UVSSA: variants seen among roughly 807,000 people sequenced by gnomAD.
UVSSA encodes the protein UV stimulated scaffold protein A.
Under a neutral mutation model 73.9 loss-of-function variants are expected in UVSSA, and 72 were observed. The observed-to-expected ratio is 0.97, with a 90% confidence interval of 0.81 to 1.19. The LOEUF (loss-of-function observed/expected upper bound fraction) is 1.19. UVSSA is among the 50% of genes most tolerant of loss of function. The pLI is 0.00. For missense variants in UVSSA, 1,150 were observed against 965.0 expected, an observed-to-expected ratio of 1.19 and a Z score of -2.54; for synonymous variants, 454 against 391.3, an observed-to-expected ratio of 1.16 and a Z score of -1.89.
chr4:1,380,331 C>G, intron 11 of UVSSA, 101 bp downstream of exon 11: 2 of 1,371,860 alleles, frequency 1.5e-6, no homozygotes, highest in Non-Finnish European at 2.0e-6. Flanking sequence ...GGTCAGGGTG[C>G]TTGTGAGCAC....
intron 8 of UVSSA, 118 bp from the exon 9 acceptor site, chr4:1,375,246 G>C (rs1215972860): frequency 3.3e-6 from 5 of 1,507,462 alleles, no homozygotes; most frequent in Admixed American, 1.8e-5. Flanking sequence ...ACCCACCTCG[G>C]GACTGTTGGA....
chr4:1,349,211 C>T (rs1201082042), intron 2 of UVSSA, among the ~76,000 whole-genome samples: 4 of 152,076 alleles, frequency 2.6e-5, no homozygotes, highest in South Asian at 4.1e-4. Flanking sequence ...GATAGATGGG[C>T]GACGTTCCAA....
In UVSSA at chr4:1,354,903, T is replaced by TGG. The variant is rs33989352; in HGVS notation, c.1047+63_1047+64dup. ...AGGGACGTGTGCAGAGTGCCATGCA[T>TGG]GGGGGGGGTCCCTTTCTTGGGGGGA... On this transcript the variant is annotated intron_variant, in intron 6 of 13. Coordinates refer to ENST00000389851, the MANE Select transcript of UVSSA (RefSeq NM_020894.4). The TGG allele has an allele frequency of 2.3e-3, 3,302 of 1,463,800 alleles. 38 individuals carry two copies. Among genetic ancestry groups the TGG allele is most frequent in the African/African-American group, 0.016 (1,079 of 67,924 alleles). 90.7% of individuals were successfully genotyped at this position (1,463,800 alleles called of 1,614,324 possible). A position where few individuals can be genotyped will look rare whatever the true frequency, so the allele number is the denominator to read the frequency against.
At chr4:1,381,686 CTTTTTTT>C (rs1318393473) in intron 12 of UVSSA, among the ~76,000 whole-genome samples, 1 of 131,764 alleles carries the variant, frequency 7.6e-6, no homozygotes, top group Admixed American at 7.5e-5. Context: ...TTTGATTTGG[CTTTTTTT>C]TTTTTTTTTT....
chr4:1,372,811 T>TA (rs1718269847), intron 8 of UVSSA, among the ~76,000 whole-genome samples: 1 of 48,470 alleles, frequency 2.1e-5, no homozygotes, highest in Non-Finnish European at 4.3e-5. Flanking sequence ...ACCTCCCGCG[T>TA]CTCAGGGCAC....
intron 7 of UVSSA, among the ~76,000 whole-genome samples, chr4:1,365,538 C>CG (rs1717195034): frequency 6.6e-6 from 1 of 152,156 alleles, no homozygotes; most frequent in Admixed American, 6.5e-5. Flanking sequence ...AGGAGGGAGG[C>CG]GGGGGTGGCA....
chr4:1,358,277 C>T (rs1215294446), intron 7 of UVSSA, among the ~76,000 whole-genome samples: 3 of 152,242 alleles, frequency 2.0e-5, no homozygotes, highest in Non-Finnish European at 4.4e-5. Context: ...TCGTCCCCTT[C>T]GACCACATGG....
At chr4:1,374,762 G>C (rs1718543791) in intron 8 of UVSSA, 1 of 151,742 alleles carries the variant, frequency 6.6e-6, no homozygotes, top group Non-Finnish European at 1.5e-5. Context: ...CTGAAGCTGT[G>C]GTGCAGCCCC....
intron 4 of UVSSA, among the ~76,000 whole-genome samples, chr4:1,352,198 T>C (rs576477662): frequency 1.8e-4 from 27 of 152,292 alleles, no homozygotes; most frequent in African/African-American, 6.3e-4. Context: ...TCCCCAAAAC[T>C]TCACTGTTTG....
At chr4:1,361,552 C>G (rs955260138) in intron 7 of UVSSA, among the ~76,000 whole-genome samples, 1 of 152,246 alleles carries the variant, frequency 6.6e-6, no homozygotes, top group African/African-American at 2.4e-5. Context: ...CAGTGCTGCC[C>G]GCCAGGTGCC....
rs1376334646 is a variant in UVSSA at position 1,375,267 on chromosome 4, C to CG, written c.1289-96dup. 1.9e-6 allele frequency: 3 copies of CG among 1,550,388 alleles called. No homozygotes were observed. The African/African-American group carries it at 4.0e-5, about 21-fold the overall frequency. On this transcript the variant is annotated intron_variant, in intron 8 of 13. Coordinates refer to ENST00000389851, the MANE Select transcript of UVSSA (RefSeq NM_020894.4). Reference sequence around the variant, plus strand: ...CTCGGGACTGTTGGAAGATGGAACACGCTAACGCATAGGCGCGTCCTAACT... The same window carrying CG: ...CTCGGGACTGTTGGAAGATGGAACACGGCTAACGCATAGGCGCGTCCTAACT...
rs376949347 is a variant in UVSSA at position 1,380,962 on chromosome 4, G to A, written c.1835G>A (p.Arg612Gln). The change falls in exon 12 of 14, where the codon CGG becomes CAG. Residue 612 changes from arginine to glutamine, a missense_variant. Coordinates refer to ENST00000389851, the MANE Select transcript of UVSSA (RefSeq NM_020894.4). ...GAAGACAGGGCTCGTGAGCAGCGGC[G>A]GCAGCTGCAGAAGCAGGAGCGCCCG... is the stretch of plus-strand genomic sequence containing the variant. The part of the protein sequence containing the change: ...DPEDRAREQR[R>Q]QLQKQERPEW... The A allele has an allele frequency of 2.3e-5, 37 of 1,612,562 alleles. No homozygotes were observed. The highest frequency in any genetic ancestry group is 2.2e-5 in the South Asian group (2 of 91,060).
At chr4:1,348,791 C>T (rs1714148567) in intron 2 of UVSSA, among the ~76,000 whole-genome samples, 1 of 152,150 alleles carries the variant, frequency 6.6e-6, no homozygotes, top group Non-Finnish European at 1.5e-5. Context: ...AATTTCAGGT[C>T]AGGTTTTGTG....
At position 1,353,375 on chromosome 4, in the gene UVSSA, G is replaced by T. The variant is rs1272590093; in HGVS notation, c.896G>T (p.Gly299Val). Residue 299 changes from glycine to valine, a missense_variant, in exon 5 of 14, where the codon GGC becomes GTC. By Grantham distance (109) the Gly-to-Val change is moderately radical. Coordinates refer to ENST00000389851, the MANE Select transcript of UVSSA (RefSeq NM_020894.4). ...GAGTTTGTGCGGAGCCACGGGCTGGGCTCGCACAAGTACACGCTGGATGTG... is the reference window on the plus strand; with the variant it reads ...GAGTTTGTGCGGAGCCACGGGCTGGTCTCGCACAAGTACACGCTGGATGTG... ...LEEFVRSHGL[G>V]SHKYTLDVEL... 3 of 1,600,574 alleles carry T rather than the reference G, an allele frequency of 1.9e-6. No individual in the cohort carries two copies. Among genetic ancestry groups the T allele is most frequent in the Non-Finnish European group, 2.6e-6 (3 of 1,174,160 alleles).
intron 7 of UVSSA, 106 bp downstream of exon 7, chr4:1,355,351 C>T: frequency 1.7e-6 from 2 of 1,182,384 alleles, no homozygotes; most frequent in Non-Finnish European, 1.2e-6. Context: ...CGGACCCCAG[C>T]CACACCCCAA....
rs199557939 is a variant in UVSSA, at chr4:1,383,935, C to T, written c.2031C>T (p.Phe677=). 49 of 1,610,758 alleles carry T rather than the reference C, an allele frequency of 3.0e-5. No individual in the cohort carries two copies. Among genetic ancestry groups the T allele is most frequent in the East Asian group, 1.1e-4 (5 of 44,832 alleles). Residue 677 remains phenylalanine (F), a synonymous_variant, in exon 13 of 14, where the codon TTC becomes TTT. Transcript: ENST00000389851. ...GCGCTCGCATTGGGAGAAAAGTCTT[C>T]GCCAAGTAAGAGTGGCTGCTGGGTC... ...TARARIGRKV[F]AKAAVRRVVA...
rs2109322967 is a variant in UVSSA at position 1,386,000 on chromosome 4, C to T, written c.*39C>T. 1.2e-6 allele frequency: 2 copies of T among 1,604,274 alleles called. No individual in the cohort carries two copies. Among genetic ancestry groups the T allele is most frequent in the Non-Finnish European group, 8.5e-7 (1 of 1,171,396 alleles). ...GTGCACTGGCCATCAGCACTTTCTCCCTCTGCCAGTGTCTCAGGACAGCAG... is the reference window on the plus strand; with the variant it reads ...GTGCACTGGCCATCAGCACTTTCTCTCTCTGCCAGTGTCTCAGGACAGCAG... On this transcript the variant is annotated 3_prime_UTR_variant, in exon 14 of 14. Coordinates refer to ENST00000389851, the MANE Select transcript of UVSSA (RefSeq NM_020894.4).
intron 1 of UVSSA, 74 bp from the exon 2 acceptor site, chr4:1,348,016 G>A: frequency 1.5e-6 from 2 of 1,308,708 alleles, no homozygotes; most frequent in Non-Finnish European, 2.2e-6. Context: ...GTGGAACCCA[G>A]TAAACACGTT....
chr4:1,395,023 C>A, exon 14 of UVSSA: 1 of 1,495,228 alleles, frequency 6.7e-7, no homozygotes. Context: ...CCTGCTCACA[C>A]GTGCCCATGT....
Sources: allele counts gnomAD v4.1 joint callset (sites outside exome capture counted in the v4.1 genomes callset), GRCh38; gene constraint gnomAD v4.1.1; transcripts MANE v1.5; gene names NCBI Gene and HGNC (gene_info 2026-07-23, HGNC 2026-07-21).